The following PSAP variants were observed in gnomAD, a reference collection of about 807,000 sequenced individuals.
PSAP encodes the protein prosaposin.
PSAP carries 25 observed loss-of-function variants against 66.0 expected under a neutral mutation model. The ratio of observed to expected loss-of-function variants is 0.38; its 90% CI spans 0.28 to 0.53. PSAP has a LOEUF of 0.53. Ranked by LOEUF, PSAP falls within the 20% of genes least tolerant of loss-of-function variation. PSAP has a pLI of 0.83. For synonymous variants in PSAP, 273 were observed against 258.9 expected (o/e 1.05, Z -0.52); for missense variants, 649 against 668.8 (o/e 0.97, Z 0.33).
rs1842245365 is a variant in PSAP at position 71,819,391 on chromosome 10, A to G, written c.1350+74T>C. 2.0e-5 allele frequency: 32 copies of G among 1,589,238 alleles called. No homozygotes were observed. In the East Asian group the frequency reaches 7.2e-4, roughly 36 times the overall value. On this transcript the variant is annotated intron_variant, in intron 11 of 13. Coordinates refer to ENST00000394936, the MANE Select transcript of PSAP (RefSeq NM_002778.4). The stretch of plus-strand genomic sequence containing the variant: ...GGCAGAAACAGCTGGTTTTCCATCA[A>G]AATGTACCCCAGCCTTGGCATACTT...
chr10:71,838,360 G>A (rs1372523926), intron 1 of PSAP, among the ~76,000 whole-genome samples: 1 of 152,214 alleles, frequency 6.6e-6, no homozygotes, highest in Non-Finnish European at 1.5e-5. Flanking sequence ...GGAGGGGAGG[G>A]CCTGGGGCCC....
Position 71,818,727 on chromosome 10 carries a change from A to G in PSAP, c.1432-3T>C, listed in dbSNP as rs200577646. On this transcript the variant is annotated splice_region_variant and splice_polypyrimidine_tract_variant and intron_variant, in intron 12 of 13. Transcript: ENST00000394936. ...GCCGAGGGGCAGGCTCCAATTTTCTATATGGTGAGAAAAGGAAAGAAGAAA... is the reference window on the plus strand; with the variant it reads ...GCCGAGGGGCAGGCTCCAATTTTCTGTATGGTGAGAAAAGGAAAGAAGAAA... 2.8e-5 allele frequency: 45 copies of G among 1,611,288 alleles called. No homozygotes were observed. The highest frequency in any genetic ancestry group is 3.3e-5 in the Admixed American group (2 of 60,018).
At position 71,820,645 on chromosome 10, in the gene PSAP, G is replaced by A. The variant is rs141740896; in HGVS notation, c.910-310C>T. Among the ~76,000 whole-genome samples the A allele has an allele frequency of 2.8e-4, 43 of 151,902 alleles. No individual in the cohort carries two copies. The East Asian group carries it at 7.4e-3, about 26-fold the overall frequency. Reference sequence around the variant, plus strand: ...GAAGAGCTGTCCTGATGATGTGTTCGGTTACAATCATTTCATCATTCAGGG... The same window carrying A: ...GAAGAGCTGTCCTGATGATGTGTTCAGTTACAATCATTTCATCATTCAGGG... On this transcript the variant is annotated intron_variant, in intron 8 of 13. Coordinates refer to ENST00000394936, the MANE Select transcript of PSAP (RefSeq NM_002778.4).
chr10:71,836,336 G>T (rs2133055958), intron 1 of PSAP, among the ~76,000 whole-genome samples: 1 of 152,276 alleles, frequency 6.6e-6, no homozygotes, highest in Middle Eastern at 3.4e-3. Context: ...GCCAGCCTCA[G>T]TTATAAATCT....
chr10:71,827,413 A>AAG (rs1554880714), intron 6 of PSAP, among the ~76,000 whole-genome samples: 41 of 146,234 alleles, frequency 2.8e-4, no homozygotes, highest in Admixed American at 2.7e-4. Context: ...AAGAAAAAAA[A>AAG]AAAAGAAAAG....
Position 71,820,353 on chromosome 10 carries a change from G to A in PSAP, c.910-18C>T, listed in dbSNP as rs1482562282. On this transcript the variant is annotated intron_variant, in intron 8 of 13. Transcript: ENST00000394936. ...TCGTGCTTCTGTGGAAAGAGTAGAA[G>A]GAGAGTACTTTCAATGCTGGGACTC... 4 of 1,599,974 alleles carry A rather than the reference G, an allele frequency of 2.5e-6. No homozygotes were observed. The South Asian group carries it at 3.3e-5, about 13-fold the overall frequency.
chr10:71,818,729 A>G lies in PSAP; in HGVS notation c.1432-5T>C. The G allele has an allele frequency of 6.2e-7, 1 of 1,610,242 alleles. No homozygotes were observed. Among genetic ancestry groups the G allele is most frequent in the Non-Finnish European group, 8.5e-7 (1 of 1,176,462 alleles). On this transcript the variant is annotated splice_region_variant and splice_polypyrimidine_tract_variant and intron_variant, in intron 12 of 13. Coordinates refer to ENST00000394936, the MANE Select transcript of PSAP (RefSeq NM_002778.4). ...CGAGGGGCAGGCTCCAATTTTCTAT[A>G]TGGTGAGAAAAGGAAAGAAGAAAGG...
chr10:71,824,369 C>T (rs2133038604), intron 7 of PSAP, among the ~76,000 whole-genome samples: 1 of 152,326 alleles, frequency 6.6e-6, no homozygotes, highest in South Asian at 2.1e-4. Context: ...GATCCTAGGG[C>T]AATCTACTGC....
rs567262384 is a variant in PSAP at position 71,818,077 on chromosome 10, T to C, written c.1539+540A>G. Among the ~76,000 whole-genome samples, 374 of 152,282 alleles carry C rather than the reference T, an allele frequency of 2.5e-3. 1 individual carries two copies. The highest frequency in any genetic ancestry group is 8.4e-3 in the African/African-American group (350 of 41,550). On this transcript the variant is annotated intron_variant, in intron 13 of 13. Transcript: ENST00000394936. Reference sequence around the variant, plus strand: ...AAAAGTTGCACAAAGCAACATTAAGTAACAGGGACCGAACCAAACATCCCC... The same window carrying C: ...AAAAGTTGCACAAAGCAACATTAAGCAACAGGGACCGAACCAAACATCCCC...
chr10:71,832,529 T>C (rs1042023069), intron 2 of PSAP, among the ~76,000 whole-genome samples: 1 of 152,204 alleles, frequency 6.6e-6, no homozygotes, highest in African/African-American at 2.4e-5. Context: ...GAAACATGTC[T>C]GGGTGAGACT....
chr10:71,840,723 C>A (rs1399241813), intron 1 of PSAP, among the ~76,000 whole-genome samples: 1 of 152,240 alleles, frequency 6.6e-6, no homozygotes, highest in Non-Finnish European at 1.5e-5. Context: ...TTCTTCCCTG[C>A]TTCTCCTCTG....
At chr10:71,822,138 C>T in intron 7 of PSAP, 131 bp from the exon 8 acceptor site, 9 of 1,243,468 alleles carry the variant, frequency 7.2e-6, no homozygotes, top group Non-Finnish European at 9.2e-6. Flanking sequence ...TCTCCCCCTC[C>T]CACAACGGGG....
At chr10:71,832,290 C>T (rs1014568701) in intron 2 of PSAP, among the ~76,000 whole-genome samples, 15 of 152,086 alleles carry the variant, frequency 9.9e-5, no homozygotes, top group Non-Finnish European at 1.0e-4. Context: ...GAGAAACAAA[C>T]GCCCCACCCA....
intron 1 of PSAP, among the ~76,000 whole-genome samples, chr10:71,844,323 G>A (rs1842781429): frequency 6.6e-6 from 1 of 152,184 alleles, no homozygotes; most frequent in Non-Finnish European, 1.5e-5. Context: ...TACAGAAGCA[G>A]GCTGTAATAG....
intron 1 of PSAP, chr10:71,844,839 AAACT>A (rs1842791006): frequency 6.6e-6 from 1 of 152,148 alleles, no homozygotes; most frequent in Admixed American, 6.5e-5. Flanking sequence ...GCAAAACAAA[AAACT>A]AACCTAACAA....
chr10:71,843,959 T>A (rs1386198478), intron 1 of PSAP, among the ~76,000 whole-genome samples: 1 of 152,232 alleles, frequency 6.6e-6, no homozygotes, highest in African/African-American at 2.4e-5. Context: ...CCTTTGTAAC[T>A]TTTCTGTAAA....
intron 6 of PSAP, among the ~76,000 whole-genome samples, chr10:71,827,688 C>T (rs1379206488): frequency 6.7e-6 from 1 of 149,320 alleles, no homozygotes; most frequent in Non-Finnish European, 1.5e-5. Context: ...GATCACGCCA[C>T]TGCACTCCAG....
At position 71,819,177 on chromosome 10, in the gene PSAP, G is replaced by C. The variant is rs1589446073; in HGVS notation, c.1351-66C>G. 2.2e-6 allele frequency: 3 copies of C among 1,390,514 alleles called. No individual in the cohort carries two copies. In the East Asian group the frequency reaches 7.0e-5, roughly 32 times the overall value. The allele number at this position is 1,390,514 out of a possible 1,614,324, so 86.1% of individuals were successfully genotyped here. ...GTCCGAGCATAGTGGGGCACAAAAG[G>C]CCAGGCAGGCCCTGGATACACTGTT... On this transcript the variant is annotated intron_variant, in intron 11 of 13. Coordinates refer to ENST00000394936, the MANE Select transcript of PSAP (RefSeq NM_002778.4).
chr10:71,831,998 T>C, intron 2 of PSAP, 78 bp from the exon 3 acceptor site: 1 of 1,347,338 alleles, frequency 7.4e-7, no homozygotes, highest in Non-Finnish European at 1.1e-6. Flanking sequence ...CCCCATGGCC[T>C]TTTCGCTATT....
Sources: gnomAD v4.1 joint callset for allele counts (sites outside exome capture counted in the v4.1 genomes callset) on GRCh38, gnomAD v4.1.1 for gene constraint, MANE v1.5 for transcripts, NCBI Gene and HGNC (gene_info 2026-07-23, HGNC 2026-07-21) for gene names.